PPP1R7: variants seen among roughly 807,000 people sequenced by gnomAD.
The protein encoded by PPP1R7 is protein phosphatase 1 regulatory subunit 7.
PPP1R7 carries 18 observed loss-of-function variants against 45.2 expected under a neutral mutation model. That is an observed-to-expected ratio of 0.40 (90% CI 0.28 to 0.59). The LOEUF is 0.59. Among genes scored for constraint, PPP1R7 ranks in the 20% least tolerant of loss-of-function variants. The pLI is 0.46. For synonymous variants in PPP1R7, 181 were observed against 183.4 expected (o/e 0.99, Z 0.11); for missense variants, 314 against 455.8 (o/e 0.69, Z 2.83).
At chr2:241,152,031 T>C (rs528997378) in intron 1 of PPP1R7, among the ~76,000 whole-genome samples, 1 of 152,220 alleles carries the variant, frequency 6.6e-6, no homozygotes, top group Non-Finnish European at 1.5e-5. Flanking sequence ...ACTCCTCCTC[T>C]TACTGGGGTT....
chr2:241,169,718 G>A (rs769861225), intron 8 of PPP1R7, 63 bp from the exon 9 acceptor site: 84 of 1,375,160 alleles, frequency 6.1e-5, no homozygotes, highest in Non-Finnish European at 7.9e-5. Context: ...CACTGCCTGC[G>A]TGGTCATGCA....
At chr2:241,149,985 G>T (rs1383245357), upstream of PPP1R7, 4 of 1,418,390 alleles carry the variant, frequency 2.8e-6, no homozygotes, top group East Asian at 7.9e-5. Flanking sequence ...GGGACGCCGG[G>T]AGAATGTTGT....
chr2:241,172,987 T>A (rs2067844745), intron 9 of PPP1R7, among the ~76,000 whole-genome samples: 2 of 151,680 alleles, frequency 1.3e-5, no homozygotes, highest in African/African-American at 4.8e-5. Flanking sequence ...TTAAAAATAT[T>A]TTTTAAAAAT....
In PPP1R7 at chr2:241,163,354, C is replaced by T. The variant is rs1483731658; in HGVS notation, c.667C>T (p.Leu223Phe). Residue 223 changes from leucine (L) to phenylalanine (F), a missense_variant, in exon 7 of 10, where the codon CTT (leucine) becomes TTT (phenylalanine). Around this residue, in one of 3 missense-constraint regions of PPP1R7, gnomAD observed 168 missense variants for 285.3 expected, o/e 0.59. Transcript: ENST00000234038. The part of the protein sequence containing the change: ...LFLGKNKITK[L>F]QNLDALTNLT... The stretch of plus-strand genomic sequence containing the variant: ...TTTGGGGAAAAACAAAATTACTAAA[C>T]TTCAGAACCTGGATGCGCTCACCAA... The T allele has an allele frequency of 6.2e-7, 1 of 1,613,992 alleles. No homozygotes were observed. Among genetic ancestry groups the T allele is most frequent in the Non-Finnish European group, 8.5e-7 (1 of 1,179,916 alleles).
intron 9 of PPP1R7, among the ~76,000 whole-genome samples, chr2:241,178,810 C>T (rs1009503392): frequency 2.1e-5 from 3 of 145,236 alleles, no homozygotes; most frequent in Non-Finnish European, 4.5e-5. Flanking sequence ...GGCAGCCTCA[C>T]CATCCCCACG....
intron 9 of PPP1R7, among the ~76,000 whole-genome samples, chr2:241,181,473 C>T (rs1369055142): frequency 1.3e-5 from 2 of 151,996 alleles, no homozygotes; most frequent in African/African-American, 4.8e-5. Context: ...TGGGATGTTT[C>T]CCAAGCAGAA....
chr2:241,152,764 A>C (rs182389878), intron 1 of PPP1R7, among the ~76,000 whole-genome samples: 1 of 152,366 alleles, frequency 6.6e-6, no homozygotes, highest in African/African-American at 2.4e-5. Flanking sequence ...AAAGTTATAA[A>C]AAAGAAAAAT....
At chr2:241,178,837 C>T (rs1037880478) in intron 9 of PPP1R7, among the ~76,000 whole-genome samples, 4 of 147,468 alleles carry the variant, frequency 2.7e-5, no homozygotes, top group Non-Finnish European at 6.0e-5. Flanking sequence ...TCTTGATGGG[C>T]CGTGCCTGTG....
intron 2 of PPP1R7, among the ~76,000 whole-genome samples, chr2:241,156,289 T>C (rs2067455851): frequency 1.3e-5 from 2 of 152,228 alleles, no homozygotes; most frequent in South Asian, 4.1e-4. Flanking sequence ...ATGCATATAA[T>C]TCACAGACTC....
chr2:241,180,430 A>G (rs1385509000), intron 9 of PPP1R7, among the ~76,000 whole-genome samples: 1 of 151,426 alleles, frequency 6.6e-6, no homozygotes, highest in African/African-American at 2.4e-5. Context: ...TCGCAAAAAA[A>G]TCTCAAAATG....
At chr2:241,177,679 G>A (rs1050766605) in intron 9 of PPP1R7, among the ~76,000 whole-genome samples, 1 of 152,198 alleles carries the variant, frequency 6.6e-6, no homozygotes, top group Non-Finnish European at 1.5e-5. Flanking sequence ...CCTGCCATAC[G>A]CGACTTGTTT....
intron 5 of PPP1R7, among the ~76,000 whole-genome samples, chr2:241,159,692 C>T (rs1164201940): frequency 6.6e-6 from 1 of 152,150 alleles, no homozygotes; most frequent in Admixed American, 6.6e-5. Context: ...CTTTTGAATA[C>T]TCTTTTTTTT....
chr2:241,150,590 G>A (rs1309382821), intron 1 of PPP1R7, 43 bp downstream of exon 1: 6 of 1,562,030 alleles, frequency 3.8e-6, no homozygotes, highest in Admixed American at 1.9e-5. Context: ...CCCAGCGGGC[G>A]GGGGGAGCTG....
chr2:241,150,119 A>C (rs2067216367), upstream of PPP1R7: 2 of 1,255,790 alleles, frequency 1.6e-6, no homozygotes, highest in East Asian at 7.4e-5. Context: ...CGGCCCCTCC[A>C]CGCCTCCGAG....
chr2:241,152,191 C>T (rs977223965), intron 1 of PPP1R7, among the ~76,000 whole-genome samples: 1 of 152,214 alleles, frequency 6.6e-6, no homozygotes, highest in African/African-American at 2.4e-5. Flanking sequence ...TTAACCGTGA[C>T]AGCAACTTGC....
chr2:241,181,113 G>A (rs1330302832), intron 9 of PPP1R7, among the ~76,000 whole-genome samples: 2 of 152,270 alleles, frequency 1.3e-5, no homozygotes, highest in East Asian at 3.9e-4. Context: ...TGGGAGAATC[G>A]CTTGAACCCA....
chr2:241,173,890 T>G (rs983287952), intron 9 of PPP1R7, among the ~76,000 whole-genome samples: 2 of 151,330 alleles, frequency 1.3e-5, no homozygotes, highest in African/African-American at 4.9e-5. Flanking sequence ...TGTATTTTTC[T>G]CAACTCTAAA....
At chr2:241,165,285 G>A (rs997615197) in intron 7 of PPP1R7, among the ~76,000 whole-genome samples, 2 of 151,756 alleles carry the variant, frequency 1.3e-5, no homozygotes, top group Non-Finnish European at 2.9e-5. Flanking sequence ...TCCTGCCTCA[G>A]TCTCCCAAGG....
At chr2:241,152,042 T>G (rs1212867715) in intron 1 of PPP1R7, among the ~76,000 whole-genome samples, 1 of 152,206 alleles carries the variant, frequency 6.6e-6, no homozygotes, top group Non-Finnish European at 1.5e-5. Flanking sequence ...TACTGGGGTT[T>G]TTGTGCCAGA....
Sources: gnomAD v4.1 joint callset for allele counts (sites outside exome capture counted in the v4.1 genomes callset) on GRCh38, gnomAD v4.1.1 for gene constraint, gnomAD v4.1.1 regional missense constraint, MANE v1.5 for transcripts, NCBI Gene and HGNC (gene_info 2026-07-23, HGNC 2026-07-21) for gene names.